Variants in LDB2 observed in about 807,000 individuals in gnomAD.
LDB2 encodes LIM domain-binding protein 2.
LDB2 carries 12 observed loss-of-function variants against 44.3 expected under a neutral mutation model. The ratio of observed to expected loss-of-function variants is 0.27; its 90% CI spans 0.17 to 0.44. LDB2 has a LOEUF of 0.44. LDB2 is among the 20% of genes least tolerant of loss of function. The pLI, the probability that LDB2 is intolerant of heterozygous loss-of-function variation, is 1.00. For synonymous variants in LDB2, 164 were observed against 174.8 expected, an observed-to-expected ratio of 0.94 and a Z score of 0.49; for missense variants, 344 against 473.5, an observed-to-expected ratio of 0.73 and a Z score of 2.54.
At chr4:16,623,784 A>T (rs1359096756) in intron 2 of LDB2, among the ~76,000 whole-genome samples, 1 of 151,694 alleles carries the variant, frequency 6.6e-6, no homozygotes, top group Non-Finnish European at 1.5e-5. Flanking sequence ...ACACACACAC[A>T]CACGTTTTAT....
At chr4:16,889,850 T>A (rs1224735024) in intron 1 of LDB2, among the ~76,000 whole-genome samples, 1 of 151,930 alleles carries the variant, frequency 6.6e-6, no homozygotes, top group East Asian at 1.9e-4. Context: ...TGATAGAAAG[T>A]GATTGGGGGT....
At chr4:16,889,811 C>T (rs906499775) in intron 1 of LDB2, among the ~76,000 whole-genome samples, 1 of 152,150 alleles carries the variant, frequency 6.6e-6, no homozygotes, top group Non-Finnish European at 1.5e-5. Flanking sequence ...AAAATACAGG[C>T]TTCCAATAAT....
chr4:16,631,353 G>A (rs997433280), intron 2 of LDB2, among the ~76,000 whole-genome samples: 12 of 152,098 alleles, frequency 7.9e-5, no homozygotes, highest in South Asian at 2.1e-4. Context: ...ATAATGAAAT[G>A]AAGGCAGAAA....
At chr4:16,643,050 C>A (rs1185273857) in intron 2 of LDB2, among the ~76,000 whole-genome samples, 2 of 152,194 alleles carry the variant, frequency 1.3e-5, no homozygotes, top group African/African-American at 4.8e-5. Flanking sequence ...GAACACCTTT[C>A]ATATCATAGA....
At chr4:16,571,592 C>T (rs770031752) in intron 5 of LDB2, among the ~76,000 whole-genome samples, 7 of 152,146 alleles carry the variant, frequency 4.6e-5, no homozygotes, top group Non-Finnish European at 1.0e-4. Context: ...CCCAGCCTGG[C>T]GGTTTACCTT....
chr4:16,643,688 A>G (rs1735845488), intron 2 of LDB2, among the ~76,000 whole-genome samples: 1 of 152,146 alleles, frequency 6.6e-6, no homozygotes, highest in African/African-American at 2.4e-5. Flanking sequence ...TCCAAGTATT[A>G]TTTGCCATAG....
chr4:16,616,497 T>C (rs544201258), intron 2 of LDB2, among the ~76,000 whole-genome samples: 1 of 151,980 alleles, frequency 6.6e-6, no homozygotes, highest in South Asian at 2.1e-4. Flanking sequence ...GATGTCCAGG[T>C]AGGCAGTGGG....
At chr4:16,648,097 G>A (rs1737266466) in intron 2 of LDB2, among the ~76,000 whole-genome samples, 1 of 152,138 alleles carries the variant, frequency 6.6e-6, no homozygotes, top group African/African-American at 2.4e-5. Context: ...GCACACAGTA[G>A]GTATTCAATA....
Position 16,880,569 on chromosome 4 carries a change from C to T in LDB2, c.132+17785G>A, listed in dbSNP as rs562244132. ...TGCCTCTCCTACTCTGTGTAAACCTCGGAGCCTACTACTTCTTTCATATCC... is the reference window on the plus strand; with the variant it reads ...TGCCTCTCCTACTCTGTGTAAACCTTGGAGCCTACTACTTCTTTCATATCC... On this transcript the variant is annotated intron_variant, in intron 1 of 7. Transcript: ENST00000304523. Among the ~76,000 whole-genome samples, 7 of 152,246 alleles carry T rather than the reference C, an allele frequency of 4.6e-5. No individual in the cohort carries two copies. In the South Asian group the frequency reaches 6.2e-4, roughly 14 times the overall value.
intron 5 of LDB2, among the ~76,000 whole-genome samples, chr4:16,557,515 C>T (rs1326552146): frequency 6.6e-6 from 1 of 152,200 alleles, no homozygotes; most frequent in Non-Finnish European, 1.5e-5. Flanking sequence ...GGGGGAGGGG[C>T]GCCTGCCATT....
chr4:16,858,573 ATTC>A lies in LDB2; in HGVS notation c.132+39778_132+39780del, dbSNP rs1789850573. On this transcript the variant is annotated intron_variant, in intron 1 of 7. Coordinates refer to ENST00000304523, the MANE Select transcript of LDB2 (RefSeq NM_001290.5). ...CTGATCAGATAACAGTTTGACACTA[ATTC>A]TTCTATTTTCAGCTGGCACCAGACC... is the stretch of plus-strand genomic sequence containing the variant. 2.0e-5 allele frequency among the ~76,000 whole-genome samples: 3 copies of A among 152,116 alleles called. No individual in the cohort carries two copies. In the South Asian group the frequency reaches 6.2e-4, roughly 32 times the overall value.
intron 2 of LDB2, among the ~76,000 whole-genome samples, chr4:16,667,840 C>T (rs1390798): frequency 0.018 from 2,800 of 152,300 alleles, 98 homozygotes; most frequent in African/African-American, 0.062. Flanking sequence ...GCTTGGCATG[C>T]TCTGTGCACT....
At chr4:16,864,486 CTCGG>C (rs1713926168) in intron 1 of LDB2, among the ~76,000 whole-genome samples, 1 of 152,156 alleles carries the variant, frequency 6.6e-6, no homozygotes, top group Non-Finnish European at 1.5e-5. Flanking sequence ...AAGTGTAAGA[CTCGG>C]GTAAAATGTA....
chr4:16,755,472 GGTGTGTGTGTGTGTGTGTGTGTGTGTGT>G (rs58186199), intron 2 of LDB2, among the ~76,000 whole-genome samples: 4 of 118,242 alleles, frequency 3.4e-5, no homozygotes, highest in African/African-American at 6.6e-5. Context: ...GTAGGAATAG[GGTGTGTGTGTGTGTGTGTGTGTGTGTGT>G]GTGTGTGTGT....
chr4:16,631,057 T>G (rs956954298), intron 2 of LDB2, among the ~76,000 whole-genome samples: 3 of 152,158 alleles, frequency 2.0e-5, no homozygotes, highest in Middle Eastern at 3.2e-3. Context: ...TATCCAGGAC[T>G]TGAACTCAGC....
intron 5 of LDB2, among the ~76,000 whole-genome samples, chr4:16,561,508 CA>C (rs1222291893): frequency 6.6e-6 from 1 of 152,174 alleles, no homozygotes; most frequent in African/African-American, 2.4e-5. Flanking sequence ...ATCCAACTTA[CA>C]AGGGACGTGA....
At chr4:16,798,030 G>T (rs191485933) in intron 1 of LDB2, among the ~76,000 whole-genome samples, 84 of 126,322 alleles carry the variant, frequency 6.6e-4, no homozygotes, top group African/African-American at 2.6e-3. Context: ...GCAAGACTCT[G>T]TCTCGAAAAA....
chr4:16,675,851 T>G (rs555942428), intron 2 of LDB2, among the ~76,000 whole-genome samples: 8 of 152,334 alleles, frequency 5.3e-5, no homozygotes, highest in African/African-American at 1.9e-4. Context: ...ACTTCAGTGT[T>G]GATTTATTCA....
rs139901341 is a variant in LDB2 at position 16,580,017 on chromosome 4, G to C, written c.615+5905C>G. ...TCAGAGAGATATTCTCACAGGAGTTGATAGATGAAGGAATCCTGAAGGATG... is the reference window on the plus strand; with the variant it reads ...TCAGAGAGATATTCTCACAGGAGTTCATAGATGAAGGAATCCTGAAGGATG... On this transcript the variant is annotated intron_variant, in intron 5 of 7. Coordinates refer to ENST00000304523, the MANE Select transcript of LDB2 (RefSeq NM_001290.5). Among the ~76,000 whole-genome samples the C allele has an allele frequency of 5.1e-3, 778 of 152,306 alleles. 6 individuals are homozygous for C. Among genetic ancestry groups the C allele is most frequent in the Non-Finnish European group, 9.8e-3 (664 of 68,028 alleles).
Sources: allele counts gnomAD v4.1 joint callset (sites outside exome capture counted in the v4.1 genomes callset), GRCh38; gene constraint gnomAD v4.1.1; transcripts MANE v1.5; gene names NCBI Gene and HGNC (gene_info 2026-07-23, HGNC 2026-07-21).